ZNF585A: variants seen among roughly 807,000 people sequenced by gnomAD.
ZNF585A encodes the protein zinc finger protein 585A.
In ZNF585A, 9 loss-of-function variants were observed where a neutral mutation model predicts 14.9. That is an observed-to-expected ratio of 0.60 (90% confidence interval 0.36 to 1.05). The LOEUF (loss-of-function observed/expected upper bound fraction) is 1.05. ZNF585A is among the 50% of genes least tolerant of loss of function. ZNF585A has a pLI of 0.01. For synonymous variants in ZNF585A, 276 were observed against 319.9 expected (o/e 0.86, Z 1.46); for missense variants, 726 against 926.4 (o/e 0.78, Z 2.81).
intron 2 of ZNF585A, among the ~76,000 whole-genome samples, chr19:37,157,906 T>A (rs1971955291): frequency 2.7e-5 from 4 of 147,124 alleles, no homozygotes; most frequent in Non-Finnish European, 5.9e-5. Flanking sequence ...TTTTTTTTTT[T>A]AGACAAAAGT....
rs1484063687 is a variant in ZNF585A, at chr19:37,151,865, A to C, written c.2034T>G (p.Ile678Met). 1.9e-6 allele frequency: 3 copies of C among 1,612,304 alleles called. No individual in the cohort carries two copies. Among genetic ancestry groups the C allele is most frequent in the Non-Finnish European group, 2.5e-6 (3 of 1,179,426 alleles). ...CTCCAGTATGAATTCTGTGATGTGT[A>C]ATCAACTCTGACTTCTGTCGAAAGG... is the stretch of plus-strand genomic sequence containing the variant. Reference protein sequence around the residue: ...GKTFRQKSELITHHRIHTGEK... With the variant: ...GKTFRQKSELMTHHRIHTGEK... The change falls in exon 5 of 5, where the codon ATT becomes ATG. Residue 678 changes from isoleucine (I) to methionine (M), a missense_variant. This residue lies in a region of ZNF585A where 243 missense variants were observed against 383.6 expected (regional missense o/e 0.63). Transcript: ENST00000292841.
At position 37,146,916 on chromosome 19, in the gene ZNF585A, G is replaced by A. The variant is rs992343166; in HGVS notation, c.*4673C>T. On this transcript the variant is annotated 3_prime_UTR_variant, in exon 5 of 5. Coordinates refer to ENST00000292841, the MANE Select transcript of ZNF585A (RefSeq NM_001288800.2). ...AGGAGGCATTAAATCTTGAATTAGA[G>A]GACCCAAACCCACCCCACCAACTTC... 12 of 147,926 alleles carry A rather than the reference G, an allele frequency of 8.1e-5. No homozygotes were observed. The highest frequency in any genetic ancestry group is 3.1e-4 in the African/African-American group (12 of 38,960). 9.2% of individuals were successfully genotyped at this position (147,926 alleles called of 1,614,324 possible).
Position 37,147,960 on chromosome 19 carries a change from T to A in ZNF585A, c.*3629A>T, listed in dbSNP as rs918234117. 1 of 152,224 alleles carries A rather than the reference T, an allele frequency of 6.6e-6. No individual in the cohort carries two copies. The highest frequency in any genetic ancestry group is 1.5e-5 in the Non-Finnish European group (1 of 68,032). The allele number at this position is 152,224 out of a possible 1,614,324, so 9.4% of individuals were successfully genotyped here. On this transcript the variant is annotated 3_prime_UTR_variant, in exon 5 of 5. Transcript: ENST00000292841. ...TTGTGTTACTTCCTAATTTGGGCAA[T>A]TATACAATTGCTGTGAACATCTGAG...
chr19:37,163,774 A>G (rs1972047106), intron 2 of ZNF585A, among the ~76,000 whole-genome samples: 1 of 152,040 alleles, frequency 6.6e-6, no homozygotes, highest in South Asian at 2.1e-4. Flanking sequence ...AACAAAAAAG[A>G]ATCCAAACAT....
At chr19:37,167,025 G>T (rs1019813644) in intron 2 of ZNF585A, among the ~76,000 whole-genome samples, 45 of 151,476 alleles carry the variant, frequency 3.0e-4, no homozygotes, top group African/African-American at 1.1e-3. Flanking sequence ...GTAGAGACGG[G>T]GTTTCACCAT....
rs1568493144 is a variant in ZNF585A, at chr19:37,152,568, CCA to C, written c.1329_1330del (p.Cys443TrpfsTer14). On this transcript the variant is annotated frameshift_variant, in exon 5 of 5. Transcript: ENST00000292841. LOFTEE classifies it low-confidence loss of function (END_TRUNC). ...TTGCGACTTGGAGGTAAACAATTTC[CCA>C]CAGTGACCACATTTATGAGGTTTCT... The C allele has an allele frequency of 1.2e-6, 2 of 1,614,044 alleles. No individual in the cohort carries two copies. Among genetic ancestry groups the C allele is most frequent in the Non-Finnish European group, 1.7e-6 (2 of 1,179,982 alleles).
chr19:37,165,528 G>T, intron 2 of ZNF585A: 1 of 483,788 alleles, frequency 2.1e-6, no homozygotes, highest in Non-Finnish European at 2.7e-6. Context: ...TTTTAGTTTT[G>T]ACTTTGGCTT....
Position 37,152,219 on chromosome 19 carries a change from G to C in ZNF585A, c.1680C>G (p.Asn560Lys), listed in dbSNP as rs1182314564. Reference protein sequence around the residue: ...YECHECGKAFNQKSILIVHQK... With the variant: ...YECHECGKAFKQKSILIVHQK... The stretch of plus-strand genomic sequence containing the variant: ...GATGAACAATGAGTATTGATTTCTG[G>C]TTGAAGGCTTTCCCACATTCGTGGC... The change falls in exon 5 of 5, where the codon AAC becomes AAG. Residue 560 changes from asparagine to lysine, a missense_variant. Physicochemically the swap from Asn to Lys is moderately conservative, Grantham distance 94. Transcript: ENST00000292841. 3 of 1,613,528 alleles carry C rather than the reference G, an allele frequency of 1.9e-6. No homozygotes were observed. The highest frequency in any genetic ancestry group is 2.5e-6 in the Non-Finnish European group (3 of 1,179,870).
chr19:37,169,893 G>A lies in ZNF585A; in HGVS notation c.18C>T (p.Thr6=). 6.2e-7 allele frequency: 1 copy of A among 1,613,230 alleles called. No individual in the cohort carries two copies. Among genetic ancestry groups the A allele is most frequent in the Non-Finnish European group, 8.5e-7 (1 of 1,179,992 alleles). The change falls in exon 2 of 5, where the codon ACC becomes ACT. Residue 6 remains threonine (T), a synonymous_variant. Transcript: ENST00000292841. ...CCAGGGCTGAGGATTTCTGAGGTGA[G>A]GTCCAATTAGCTGGCATGGCCACAC... MPANW[T]SPQKSSALAP...
Position 37,151,031 on chromosome 19 carries a change from T to G in ZNF585A, c.*558A>C. The G allele has an allele frequency of 4.5e-6, 1 of 222,732 alleles. No individual in the cohort carries two copies. The highest frequency in any genetic ancestry group is 8.8e-6 in the Non-Finnish European group (1 of 113,514). The allele number at this position is 222,732 out of a possible 1,614,324, so 13.8% of individuals were successfully genotyped here. On this transcript the variant is annotated 3_prime_UTR_variant, in exon 5 of 5. Transcript: ENST00000292841. Reference sequence around the variant, plus strand: ...TGTATACATAAAGGTTTTTTCTTTTTTTTTTTGTAGCATCTCTTTCTTGAT... The same window carrying G: ...TGTATACATAAAGGTTTTTTCTTTTGTTTTTTGTAGCATCTCTTTCTTGAT...
rs778274197 is a variant in ZNF585A at position 37,169,860 on chromosome 19, C to T, written c.51G>A (p.Glu17=). The T allele has an allele frequency of 6.2e-7, 1 of 1,613,174 alleles. No individual in the cohort carries two copies. The highest frequency in any genetic ancestry group is 8.5e-7 in the Non-Finnish European group (1 of 1,180,018). The change falls in exon 2 of 5, where the codon GAG becomes GAA. Residue 17 remains glutamate (E), a synonymous_variant. Coordinates refer to ENST00000292841, the MANE Select transcript of ZNF585A (RefSeq NM_001288800.2). ...TCACCTCATAGGAGCTGCCATGATC[C>T]TCTGGAGCCAGGGCTGAGGATTTCT... ...SPQKSSALAP[E]DHGSSYEGSV...
chr19:37,164,955 G>A (rs1193118784), intron 2 of ZNF585A, among the ~76,000 whole-genome samples: 2 of 152,164 alleles, frequency 1.3e-5, no homozygotes, highest in Non-Finnish European at 2.9e-5. Flanking sequence ...TTACAAGTGT[G>A]AGCCACCACA....
chr19:37,150,656 T>C lies in ZNF585A; in HGVS notation c.*933A>G, dbSNP rs967747969. ...CCCTTTCCAGCCCTAAACATATGGT[T>C]GTGTTGGTTTTCATATAAGTTATTA... On this transcript the variant is annotated 3_prime_UTR_variant, in exon 5 of 5. Coordinates refer to ENST00000292841, the MANE Select transcript of ZNF585A (RefSeq NM_001288800.2). The C allele has an allele frequency of 6.6e-6, 1 of 152,412 alleles. No individual in the cohort carries two copies. The highest frequency in any genetic ancestry group is 1.5e-5 in the Non-Finnish European group (1 of 68,130). 9.4% of individuals were successfully genotyped at this position (152,412 alleles called of 1,614,324 possible). A position where few individuals can be genotyped will look rare whatever the true frequency, so the allele number is the denominator to read the frequency against.
Position 37,151,577 on chromosome 19 carries a change from A to G in ZNF585A, c.*12T>C, listed in dbSNP as rs755253926. ...ACCCAACCCTCAGGGGGGTTTTCTC[A>G]CACTGTTTCTCTCAAGCGTGGCTGC... On this transcript the variant is annotated 3_prime_UTR_variant, in exon 5 of 5. Transcript: ENST00000292841. 5 of 1,600,646 alleles carry G rather than the reference A, an allele frequency of 3.1e-6. No individual in the cohort carries two copies. In the Admixed American group the frequency reaches 8.5e-5, roughly 27 times the overall value.
chr19:37,156,981 C>T (rs1427835313), intron 2 of ZNF585A, among the ~76,000 whole-genome samples: 1 of 152,160 alleles, frequency 6.6e-6, no homozygotes, highest in African/African-American at 2.4e-5. Flanking sequence ...TGAGCCACCG[C>T]GCCTGGCCTC....
chr19:37,153,351 T>C lies in ZNF585A; in HGVS notation c.548A>G (p.Glu183Gly), dbSNP rs1207707519. 3.7e-6 allele frequency: 6 copies of C among 1,614,204 alleles called. No homozygotes were observed. In the African/African-American group the frequency reaches 8.0e-5, roughly 22 times the overall value. ...ACATTCATTGCATTTAAAGGGTTTC[T>C]CTCTCATATGGGTTTTCTGGTGTAT... ...FIIHQKTHMR[E>G]KPFKCNECGK... The change falls in exon 5 of 5, where the codon GAG becomes GGG. Residue 183 changes from glutamate (E) to glycine (G), a missense_variant. By Grantham distance (98) the Glu-to-Gly change is moderately conservative. Around this residue, in one of 2 missense-constraint regions of ZNF585A, gnomAD observed 483 missense variants for 542.8 expected, o/e 0.89. Transcript: ENST00000292841.
Position 37,151,661 on chromosome 19 carries a change from G to T in ZNF585A, c.2238C>A (p.Tyr746Ter). The T allele has an allele frequency of 1.9e-6, 3 of 1,614,192 alleles. No individual in the cohort carries two copies. The highest frequency in any genetic ancestry group is 2.5e-6 in the Non-Finnish European group (3 of 1,180,036). The stretch of plus-strand genomic sequence containing the variant: ...AGCCTTTCCCACAGATGCCACACTT[G>T]TAGGGTTTGTCTCCAGTGTGTGTTG... ...HQTTHTGDKP[Y>*]KCGICGKGFV... The change falls in exon 5 of 5, where the codon TAC becomes TAA. Residue 746 changes from tyrosine to a stop codon, truncating the protein, a stop_gained. Coordinates refer to ENST00000292841, the MANE Select transcript of ZNF585A (RefSeq NM_001288800.2). LOFTEE classifies it high-confidence loss of function.
Position 37,153,441 on chromosome 19 carries a change from G to T in ZNF585A, c.458C>A (p.Ala153Glu). The T allele has an allele frequency of 6.2e-7, 1 of 1,614,138 alleles. No homozygotes were observed. The highest frequency in any genetic ancestry group is 1.3e-5 in the African/African-American group (1 of 75,038). Residue 153 changes from alanine to glutamate, a missense_variant, in exon 5 of 5, where the codon GCA (alanine) becomes GAA (glutamate). Physicochemically the swap from Ala to Glu is moderately radical, Grantham distance 107 (BLOSUM62 -1). Transcript: ENST00000292841. ...AATGCATACATAGAGCTTTTCTCCTGCAAGAACTTTCAGGTGTACTTTGAG... is the reference window on the plus strand; with the variant it reads ...AATGCATACATAGAGCTTTTCTCCTTCAAGAACTTTCAGGTGTACTTTGAG... ...SQLKVHLKVL[A>E]GEKLYVCIEC... is the part of the protein sequence containing the mutation.
At chr19:37,160,836 T>G (rs1438278681) in intron 2 of ZNF585A, among the ~76,000 whole-genome samples, 3 of 152,262 alleles carry the variant, frequency 2.0e-5, no homozygotes, top group East Asian at 3.9e-4. Context: ...CTAGGCTAGA[T>G]AGTTCTACCA....
Sources: gnomAD v4.1 joint callset for allele counts (sites outside exome capture counted in the v4.1 genomes callset) on GRCh38, gnomAD v4.1.1 for gene constraint, gnomAD v4.1.1 regional missense constraint, MANE v1.5 for transcripts, NCBI Gene and HGNC (gene_info 2026-07-23, HGNC 2026-07-21) for gene names.